The following FAAH2 variants were observed in gnomAD, a reference collection of about 807,000 sequenced individuals.
FAAH2 encodes the protein fatty acid amide hydrolase 2.
Under a neutral mutation model 36.9 loss-of-function variants are expected in FAAH2, and 60 were observed. That is an observed-to-expected ratio of 1.63 (90% confidence interval 1.32 to 2.02). The LOEUF (loss-of-function observed/expected upper bound fraction) is 2.02. FAAH2 is among the 30% of genes most tolerant of loss of function. The pLI is 0.00. For missense variants in FAAH2, 689 were observed against 397.5 expected, an observed-to-expected ratio of 1.73 and a Z score of -6.23; for synonymous variants, 214 against 143.8, an observed-to-expected ratio of 1.49 and a Z score of -3.49.
chrX:57,352,040 ATATATATGTG>A lies in FAAH2; in HGVS notation c.742+10658_742+10667del, dbSNP rs1191713948. 1.7e-3 allele frequency among the ~76,000 whole-genome samples: 30 copies of A among 17,222 alleles called. 2 individuals carry two copies. In the East Asian group the frequency reaches 0.08, roughly 46 times the overall value. 15.0% of individuals were successfully genotyped at this position (17,222 alleles called of 115,157 possible). A position where few individuals can be genotyped will look rare whatever the true frequency, so the allele number is the denominator to read the frequency against. ...TGTGTGTATATATATATATATACAT[ATATATATGTG>A]TATATATATATATATACACATATAT... On this transcript the variant is annotated intron_variant, in intron 5 of 10. Coordinates refer to ENST00000374900, the MANE Select transcript of FAAH2 (RefSeq NM_174912.4).
chrX:57,214,323 G>A, the FAAH2 span, among the ~76,000 whole-genome samples: 2 of 112,075 alleles, frequency 1.8e-5, no homozygotes, highest in Non-Finnish European at 3.8e-5. Context: ...GTGTGGTTTT[G>A]TTCCATCATA....
intron 6 of FAAH2, 54 bp downstream of exon 6, chrX:57,378,840 CTTTG>C: frequency 8.7e-7 from 1 of 1,147,068 alleles, no homozygotes; most frequent in Non-Finnish European, 1.2e-6. Flanking sequence ...TTCATTCTCT[CTTTG>C]TTTATTAGTG....
At chrX:57,294,117 C>T (rs2052064123) in intron 2 of FAAH2, among the ~76,000 whole-genome samples, 1 of 111,652 alleles carries the variant, frequency 9.0e-6, no homozygotes, top group Admixed American at 9.5e-5. Context: ...ATGTGTAAAG[C>T]ACCTAGTATA....
chrX:57,271,488 G>A, the FAAH2 span, among the ~76,000 whole-genome samples: 1 of 111,982 alleles, frequency 8.9e-6, no homozygotes, highest in Non-Finnish European at 1.9e-5. Context: ...TCCAAGTAGG[G>A]GCCAACAGAC....
intron 8 of FAAH2, among the ~76,000 whole-genome samples, chrX:57,437,830 T>C (rs1362871968): frequency 1.9e-5 from 2 of 102,909 alleles, no homozygotes; most frequent in African/African-American, 3.4e-5. Flanking sequence ...AATTATATAA[T>C]ATATAAATAT....
At chrX:57,128,948 T>C in the FAAH2 span, among the ~76,000 whole-genome samples, 17 of 111,825 alleles carry the variant, frequency 1.5e-4, no homozygotes, top group African/African-American at 5.5e-4. Context: ...GGAGAGAATC[T>C]CTGAACAGGT....
At chrX:57,484,459 T>G (rs904595764) in intron 10 of FAAH2, among the ~76,000 whole-genome samples, 4 of 111,389 alleles carry the variant, frequency 3.6e-5, no homozygotes, top group African/African-American at 1.3e-4. Context: ...ACACAATCTG[T>G]TCCCTTTTCA....
At chrX:57,210,294 T>C in the FAAH2 span, among the ~76,000 whole-genome samples, 2 of 111,603 alleles carry the variant, frequency 1.8e-5, no homozygotes, top group African/African-American at 6.5e-5. Context: ...TTTTTTCTAA[T>C]AGTAAATAAA....
At chrX:57,418,979 G>A (rs774000253) in intron 7 of FAAH2, among the ~76,000 whole-genome samples, 65 of 100,984 alleles carry the variant, frequency 6.4e-4, no homozygotes, top group African/African-American at 2.2e-3. Context: ...TTGGTTTTTT[G>A]TCCTTGTGAT....
At chrX:57,451,920 C>T (rs767377229) in intron 10 of FAAH2, among the ~76,000 whole-genome samples, 1 of 112,776 alleles carries the variant, frequency 8.9e-6, no homozygotes, top group Non-Finnish European at 1.9e-5. Context: ...TTAGCCTATG[C>T]TATTTCCTGA....
chrX:57,263,317 C>T, the FAAH2 span, among the ~76,000 whole-genome samples: 1 of 111,390 alleles, frequency 9.0e-6, no homozygotes, highest in African/African-American at 3.2e-5. Flanking sequence ...AACATGTGGA[C>T]ATTGAAATTA....
intron 3 of FAAH2, among the ~76,000 whole-genome samples, chrX:57,311,605 G>T (rs925297052): frequency 5.4e-5 from 6 of 111,843 alleles, no homozygotes; most frequent in Non-Finnish European, 9.4e-5. Context: ...CCGAGGAGGT[G>T]CAGGCCGGGA....
chrX:57,164,983 T>A, the FAAH2 span, among the ~76,000 whole-genome samples: 1 of 112,556 alleles, frequency 8.9e-6, no homozygotes, highest in Non-Finnish European at 1.9e-5. Context: ...TGTATGTGAT[T>A]GATTCTGAAA....
At chrX:57,247,784 C>G in the FAAH2 span, among the ~76,000 whole-genome samples, 2 of 112,190 alleles carry the variant, frequency 1.8e-5, no homozygotes, top group Non-Finnish European at 3.8e-5. Context: ...CCACACCTAG[C>G]TGCATGGGAG....
At chrX:57,482,193 C>T (rs1185813222) in intron 10 of FAAH2, among the ~76,000 whole-genome samples, 1 of 111,835 alleles carries the variant, frequency 8.9e-6, no homozygotes, top group African/African-American at 3.3e-5. Flanking sequence ...GTGGGACCTG[C>T]TGAGCAACAA....
intron 5 of FAAH2, among the ~76,000 whole-genome samples, chrX:57,364,177 G>T (rs751264342): frequency 9.2e-6 from 1 of 108,903 alleles, no homozygotes; most frequent in Admixed American, 9.9e-5. Context: ...CTATGAATCC[G>T]TTTGGTGCAG....
At chrX:57,124,568 G>A in the FAAH2 span, among the ~76,000 whole-genome samples, 17 of 111,812 alleles carry the variant, frequency 1.5e-4, no homozygotes, top group Middle Eastern at 4.6e-3. Context: ...AATGGGGAAC[G>A]CATTGAATCT....
At chrX:57,479,197 C>CAA (rs2057331011) in intron 10 of FAAH2, among the ~76,000 whole-genome samples, 1 of 111,164 alleles carries the variant, frequency 9.0e-6, no homozygotes, top group Non-Finnish European at 1.9e-5. Flanking sequence ...TTGAAGAGGT[C>CAA]CTTCACGTCC....
At chrX:57,348,001 G>A (rs2053875710) in intron 5 of FAAH2, among the ~76,000 whole-genome samples, 1 of 110,960 alleles carries the variant, frequency 9.0e-6, no homozygotes, top group Non-Finnish European at 1.9e-5. Context: ...ACCTCATTGG[G>A]TCTGATTCTA....
Sources: allele counts gnomAD v4.1 joint callset (sites outside exome capture counted in the v4.1 genomes callset), GRCh38; gene constraint gnomAD v4.1.1; transcripts MANE v1.5; gene names NCBI Gene and HGNC (gene_info 2026-07-23, HGNC 2026-07-21).